The following GALC variants were observed in gnomAD, a reference collection of about 807,000 sequenced individuals.
GALC encodes galactosylceramidase, also known as galactocerebrosidase.
A neutral mutation model predicts 91.8 loss-of-function variants in GALC; 77 were observed. The observed-to-expected ratio is 0.84, with a 90% CI of 0.70 to 1.01. The LOEUF is 1.01. GALC is among the 50% of genes least tolerant of loss of function. The pLI is 0.00. For missense variants in GALC, 882 were observed against 855.9 expected, an observed-to-expected ratio of 1.03 and a Z score of -0.38; for synonymous variants, 357 against 306.7, an observed-to-expected ratio of 1.16 and a Z score of -1.71.
chr14:87,947,043 C>T (rs1185348687), intron 13 of GALC, among the ~76,000 whole-genome samples: 1 of 151,966 alleles, frequency 6.6e-6, no homozygotes, highest in South Asian at 2.1e-4. Context: ...TACTCTCCTG[C>T]TGCTACAGAT....
In GALC at chr14:87,993,158, C is replaced by T; in HGVS notation, c.7G>A (p.Glu3Lys). MA[E>K]WLLSASWQRR... ...TGCCAGGAAGCCGAGAGTAGCCACT[C>T]AGCCATTGTGTGGGTCACATGACTC... is the stretch of plus-strand genomic sequence containing the variant. Residue 3 changes from glutamate to lysine, a missense_variant, in exon 1 of 17, where the codon GAG becomes AAG. By Grantham distance (56) the Glu-to-Lys change is moderately conservative (BLOSUM62 1). Transcript: ENST00000261304. 1.3e-6 allele frequency: 2 copies of T among 1,590,996 alleles called. No individual in the cohort carries two copies. The highest frequency in any genetic ancestry group is 2.3e-5 in the South Asian group (2 of 87,794).
At chr14:87,992,837 C>A in intron 1 of GALC, 133 bp downstream of exon 1, 1 of 1,403,242 alleles carries the variant, frequency 7.1e-7, no homozygotes, top group Non-Finnish European at 9.2e-7. Flanking sequence ...CGCCTGCTGA[C>A]TGGCACCCTA....
intron 10 of GALC, among the ~76,000 whole-genome samples, chr14:87,962,578 TACACACACACAC>T (rs36205603): frequency 0.13 from 18,538 of 146,406 alleles, 1,339 homozygotes; most frequent in South Asian, 0.23. Context: ...CCTGATATGA[TACACACACACAC>T]ACACACACAC....
intron 7 of GALC, among the ~76,000 whole-genome samples, chr14:87,969,568 A>C (rs1417736340): frequency 2.6e-5 from 4 of 152,246 alleles, no homozygotes; most frequent in Admixed American, 1.3e-4. Flanking sequence ...AACTGTAGGA[A>C]TAAGAGCATC....
At chr14:87,939,132 G>T (rs1278679527) in intron 16 of GALC, among the ~76,000 whole-genome samples, 3 of 151,812 alleles carry the variant, frequency 2.0e-5, no homozygotes, top group Admixed American at 6.6e-5. Context: ...CTATAAAATG[G>T]CTACAATTTG....
chr14:87,952,733 T>A lies in GALC; in HGVS notation c.1162-1985A>T. ...TGGTCATTTCTTACTTAGCAAACTG[T>A]ATGAATAGACATGTTCATGTGAAAG... On this transcript the variant is annotated intron_variant, in intron 10 of 16. Coordinates refer to ENST00000261304, the MANE Select transcript of GALC (RefSeq NM_000153.4). The A allele has an allele frequency of 2.0e-6, 3 of 1,520,530 alleles. No individual in the cohort carries two copies. The South Asian group carries it at 3.4e-5, about 17-fold the overall frequency. The allele number at this position is 1,520,530 out of a possible 1,614,324, so 94.2% of individuals were successfully genotyped here.
intron 6 of GALC, among the ~76,000 whole-genome samples, chr14:87,980,278 G>C (rs1427099279): frequency 6.6e-6 from 1 of 151,834 alleles, no homozygotes; most frequent in East Asian, 1.9e-4. Flanking sequence ...AGCTACTCAG[G>C]AGGCTGAGGC....
chr14:87,975,102 C>CA (rs1243570431), intron 7 of GALC, among the ~76,000 whole-genome samples: 7 of 150,158 alleles, frequency 4.7e-5, no homozygotes, highest in East Asian at 3.9e-4. Flanking sequence ...TTTTATCTTG[C>CA]AAAAAAAAAT....
Position 87,953,349 on chromosome 14 carries a change from T to C in GALC, c.1162-2601A>G, listed in dbSNP as rs1595201868. 7 of 1,418,218 alleles carry C rather than the reference T, an allele frequency of 4.9e-6. No homozygotes were observed. The East Asian group carries it at 1.6e-4, about 32-fold the overall frequency. The allele number at this position is 1,418,218 out of a possible 1,614,324, so 87.9% of individuals were successfully genotyped here. A position where few individuals can be genotyped will look rare whatever the true frequency, so the allele number is the denominator to read the frequency against. ...CAAGTTACGGGAAGATAAGAATATC[T>C]GAAGAGAATTCCATTCAACTTGATG... On this transcript the variant is annotated intron_variant, in intron 10 of 16. Coordinates refer to ENST00000261304, the MANE Select transcript of GALC (RefSeq NM_000153.4).
intron 5 of GALC, among the ~76,000 whole-genome samples, chr14:87,983,636 GTA>G (rs1302323110): frequency 1.3e-5 from 2 of 152,180 alleles, no homozygotes; most frequent in African/African-American, 4.8e-5. Context: ...TTAACTGATG[GTA>G]TATTAATAAG....
At chr14:87,939,878 C>T (rs1287172822) in intron 16 of GALC, 27 bp downstream of exon 16, 1 of 1,485,132 alleles carries the variant, frequency 6.7e-7, no homozygotes, top group Admixed American at 1.7e-5. Context: ...AGCATTTTAC[C>T]TCCAGACTCC....
At chr14:87,952,519 C>A in intron 10 of GALC, 1 of 707,870 alleles carries the variant, frequency 1.4e-6, no homozygotes, top group Non-Finnish European at 2.5e-6. Context: ...AACCACCCAG[C>A]CTAGTATCCT....
rs552022368 is a variant in GALC at position 87,934,594 on chromosome 14, T to A, written c.*138A>T. 126 of 1,516,368 alleles carry A rather than the reference T, an allele frequency of 8.3e-5. 1 individual carries two copies. The highest frequency in any genetic ancestry group is 1.1e-4 in the Non-Finnish European group (120 of 1,138,370). 93.9% of individuals were successfully genotyped at this position (1,516,368 alleles called of 1,614,324 possible). On this transcript the variant is annotated 3_prime_UTR_variant, in exon 17 of 17. Coordinates refer to ENST00000261304, the MANE Select transcript of GALC (RefSeq NM_000153.4). ...TCCACAGGGTAAATTAAAAATAAAT[T>A]TCTCTCCCCTTTTACTCTTCATTAT...
intron 10 of GALC, 63 bp from the exon 11 acceptor site, chr14:87,950,811 G>A: frequency 1.0e-6 from 1 of 984,556 alleles, no homozygotes; most frequent in Non-Finnish European, 1.6e-6. Flanking sequence ...GGGAAAAAAA[G>A]TTCAACAGTT....
At chr14:87,945,819 C>T in intron 13 of GALC, 86 bp from the exon 14 acceptor site, 3 of 966,168 alleles carry the variant, frequency 3.1e-6, no homozygotes, top group East Asian at 2.5e-5. Flanking sequence ...GTCTGAAACA[C>T]TTCTGAAAGC....
chr14:87,976,396 G>C lies in GALC; in HGVS notation c.714C>G (p.Leu238=), dbSNP rs748497197. The change falls in exon 7 of 17, where the codon CTC becomes CTG. Residue 238 remains leucine (L), a synonymous_variant. Coordinates refer to ENST00000261304, the MANE Select transcript of GALC (RefSeq NM_000153.4). ...NLWESISASM[L]LDAELFKVVD... is the part of the protein sequence containing the mutation. ...CCACCTTGAAGAGTTCGGCATCAAG[G>C]AGCATGGATGCAGAGATGGACTCCC... The C allele has an allele frequency of 5.0e-6, 8 of 1,614,032 alleles. No individual in the cohort carries two copies. The highest frequency in any genetic ancestry group is 6.8e-6 in the Non-Finnish European group (8 of 1,179,978).
intron 7 of GALC, among the ~76,000 whole-genome samples, chr14:87,974,351 G>A (rs557784284): frequency 6.6e-6 from 1 of 152,240 alleles, no homozygotes; most frequent in East Asian, 1.9e-4. Context: ...ACGAGACAAA[G>A]AATGGCATTT....
intron 10 of GALC, among the ~76,000 whole-genome samples, chr14:87,956,595 C>CACACACACCATATATAT (rs1566982300): frequency 0.013 from 501 of 39,496 alleles, 2 homozygotes; most frequent in Middle Eastern, 0.06. Context: ...CATATATATA[C>CACACACACCATATATAT]ACACACACAC....
At chr14:87,941,244 A>AAG in intron 15 of GALC, 151 bp downstream of exon 15, 1 of 631,658 alleles carries the variant, frequency 1.6e-6, no homozygotes, top group Non-Finnish European at 2.8e-6. Context: ...ATAATTGTAA[A>AAG]CTATTTGGTA....
Sources: allele counts gnomAD v4.1 joint callset (sites outside exome capture counted in the v4.1 genomes callset), GRCh38; gene constraint gnomAD v4.1.1; transcripts MANE v1.5; gene names NCBI Gene and HGNC (gene_info 2026-07-23, HGNC 2026-07-21).